The following LRP5 variants were observed in gnomAD, a reference collection of about 807,000 sequenced individuals.
The protein encoded by LRP5 is LDL receptor related protein 5, also known as low-density lipoprotein receptor-related protein 5.
LRP5 carries 62 observed loss-of-function variants against 154.1 expected under a neutral mutation model. The observed-to-expected ratio is 0.40, with a 90% confidence interval of 0.33 to 0.50. The LOEUF (loss-of-function observed/expected upper bound fraction) is 0.50. Among genes scored for constraint, LRP5 ranks in the 20% least tolerant of loss-of-function variants. The pLI, the probability that LRP5 is intolerant of heterozygous loss-of-function variation, is 0.55. For missense variants in LRP5, 1,915 were observed against 2,336.7 expected (o/e 0.82, Z 3.72); for synonymous variants, 966 against 1,011.5 (o/e 0.96, Z 0.85).
chr11:68,386,073 G>T lies in LRP5; in HGVS notation c.1016-243G>T, dbSNP rs1467802604. ...TCTCAGCTGCGTGCATAACCTCTCA[G>T]TGCTTCAGTTCTCTCATTTGTAAAA... On this transcript the variant is annotated intron_variant, in intron 5 of 22. Coordinates refer to ENST00000294304, the MANE Select transcript of LRP5 (RefSeq NM_002335.4). The surrounding 1 kb of genome is among the most constrained non-coding windows in gnomAD (Gnocchi z 7.9). Among the ~76,000 whole-genome samples, 1 of 152,190 alleles carries T rather than the reference G, an allele frequency of 6.6e-6. No individual in the cohort carries two copies. The highest frequency in any genetic ancestry group is 1.5e-5 in the Non-Finnish European group (1 of 68,024).
In LRP5 at chr11:68,382,706, C is replaced by T. The variant is rs571670053; in HGVS notation, c.1016-3610C>T. Among the ~76,000 whole-genome samples, 231 of 152,174 alleles carry T rather than the reference C, an allele frequency of 1.5e-3. 6 individuals carry two copies. In the South Asian group the frequency reaches 0.044, roughly 29 times the overall value. On this transcript the variant is annotated intron_variant, in intron 5 of 22. Transcript: ENST00000294304. ...AACGCACTTCCTGCATGTGCTGGCT[C>T]CTGGGATTGAAGTGTTTGAGGAAGC...
rs1371005835 is a variant in LRP5, at chr11:68,426,129, C to T, written c.3579C>T (p.Gly1193=). The change falls in exon 16 of 23, where the codon GGC becomes GGT. Residue 1193 remains glycine (G), a synonymous_variant. Coordinates refer to ENST00000294304, the MANE Select transcript of LRP5 (RefSeq NM_002335.4). ...GGGACAAGCGGACTCGCATCCAGGG[C>T]CGTGTCGCCCACCTCACTGGCATCC... ...TTGDKRTRIQ[G]RVAHLTGIHA... 2 of 1,612,974 alleles carry T rather than the reference C, an allele frequency of 1.2e-6. No individual in the cohort carries two copies. Among genetic ancestry groups the T allele is most frequent in the African/African-American group, 2.7e-5 (2 of 74,930 alleles).
intron 5 of LRP5, among the ~76,000 whole-genome samples, chr11:68,371,546 C>T (rs1045933458): frequency 1.3e-5 from 2 of 152,250 alleles, no homozygotes; most frequent in African/African-American, 4.8e-5. Flanking sequence ...GACCACAGTC[C>T]TGTCACCTGA....
chr11:68,433,736 G>T lies in LRP5; in HGVS notation c.3898G>T (p.Ala1300Ser). 1 of 1,612,730 alleles carries T rather than the reference G, an allele frequency of 6.2e-7. No homozygotes were observed. Among genetic ancestry groups the T allele is most frequent in the Middle Eastern group, 1.7e-4 (1 of 6,060 alleles). ...CGAGGAGGGCTGCCCCGTGTGCTCC[G>T]CCGCCCAGTTCCCCTGCGCGCGGGG... ...SDEEGCPVCS[A>S]AQFPCARGQC... The change falls in exon 18 of 23, where the codon GCC becomes TCC. Residue 1300 changes from alanine to serine, a missense_variant. Physicochemically the swap from Ala to Ser is moderately conservative, Grantham distance 99. Transcript: ENST00000294304.
chr11:68,304,885 T>C, the LRP5 span, among the ~76,000 whole-genome samples: 7 of 152,224 alleles, frequency 4.6e-5, no homozygotes, highest in African/African-American at 7.2e-5. Flanking sequence ...ATCTCAGCAG[T>C]AAATAACTGT....
At chr11:68,341,716 T>A (rs1003103584) in intron 1 of LRP5, among the ~76,000 whole-genome samples, 2 of 152,136 alleles carry the variant, frequency 1.3e-5, no homozygotes, top group South Asian at 4.1e-4. Context: ...CGGCTCCTTC[T>A]TTCCCAGCAA....
chr11:68,320,831 G>T (rs2098596338), intron 1 of LRP5, among the ~76,000 whole-genome samples: 1 of 152,016 alleles, frequency 6.6e-6, no homozygotes, highest in African/African-American at 2.4e-5. Flanking sequence ...TGTTCTGTTT[G>T]TTTCAGGTTT....
chr11:68,301,535 G>A, the LRP5 span, among the ~76,000 whole-genome samples: 1 of 149,168 alleles, frequency 6.7e-6, no homozygotes, highest in African/African-American at 2.4e-5. Flanking sequence ...TGCTTTCCAT[G>A]AGAGTTCAAA....
At chr11:68,395,379 G>A (rs773546659) in intron 7 of LRP5, among the ~76,000 whole-genome samples, 4 of 151,772 alleles carry the variant, frequency 2.6e-5, no homozygotes, top group Non-Finnish European at 5.9e-5. Context: ...AAGGGGGATC[G>A]TGGAGCAGGC....
At chr11:68,376,324 G>A (rs994775909) in intron 5 of LRP5, among the ~76,000 whole-genome samples, 7 of 152,046 alleles carry the variant, frequency 4.6e-5, no homozygotes, top group Admixed American at 1.3e-4. Flanking sequence ...TTGGACTATA[G>A]GCACCCGCCA....
chr11:68,412,737 C>T (rs2098660340), intron 11 of LRP5, among the ~76,000 whole-genome samples: 1 of 152,148 alleles, frequency 6.6e-6, no homozygotes, highest in East Asian at 1.9e-4. Flanking sequence ...AGAGGGTCAC[C>T]TGGGCAGCCC....
chr11:68,376,150 C>T (rs974879704), intron 5 of LRP5, among the ~76,000 whole-genome samples: 4 of 143,450 alleles, frequency 2.8e-5, no homozygotes, highest in African/African-American at 7.7e-5. Context: ...TGTGAGGGGT[C>T]GTCCGTGGCT....
chr11:68,446,513 G>A lies in LRP5; in HGVS notation c.4566G>A (p.Pro1522=), dbSNP rs368178411. Residue 1522 remains proline (P), a synonymous_variant, in exon 22 of 23, where the codon CCG becomes CCA. Coordinates refer to ENST00000294304, the MANE Select transcript of LRP5 (RefSeq NM_002335.4). ...ACATGTTCTACTCTTCAAACATTCC[G>A]GCCACTGCGAGACCGTACAGGTAGG... is the stretch of plus-strand genomic sequence containing the variant. The part of the protein sequence containing the change: ...NMDMFYSSNI[P]ATARPYRPYI... 28 of 1,613,890 alleles carry A rather than the reference G, an allele frequency of 1.7e-5. No homozygotes were observed. Among genetic ancestry groups the A allele is most frequent in the Admixed American group, 1.2e-4 (7 of 60,006 alleles).
intron 21 of LRP5, among the ~76,000 whole-genome samples, chr11:68,443,568 TATATATATATATA>T (rs1565122091): frequency 1.9e-4 from 8 of 42,020 alleles, no homozygotes; most frequent in African/African-American, 5.9e-4. Context: ...TATATATATA[TATATATATATATA>T]TATATTTTTT....
intron 1 of LRP5, among the ~76,000 whole-genome samples, chr11:68,329,114 G>A (rs1003937823): frequency 5.3e-5 from 8 of 152,206 alleles, no homozygotes; most frequent in Non-Finnish European, 7.4e-5. Context: ...GAGTCGTTTC[G>A]ATACTGGCCT....
At chr11:68,340,359 A>T (rs678765) in intron 1 of LRP5, among the ~76,000 whole-genome samples, 1 of 152,222 alleles carries the variant, frequency 6.6e-6, no homozygotes, top group Non-Finnish European at 1.5e-5. Flanking sequence ...AGGCCAGGCC[A>T]GGCTTTGAAT....
intron 1 of LRP5, among the ~76,000 whole-genome samples, chr11:68,318,838 T>G (rs916733013): frequency 2.0e-5 from 3 of 152,172 alleles, no homozygotes; most frequent in Non-Finnish European, 4.4e-5. Context: ...CTCAGAGCCC[T>G]CTCCCTGCCT....
chr11:68,345,126 G>A (rs2098611840), intron 1 of LRP5, among the ~76,000 whole-genome samples: 1 of 151,786 alleles, frequency 6.6e-6, no homozygotes, highest in South Asian at 2.1e-4. Context: ...GCCTCCCCAA[G>A]TGCTGGGATT....
At chr11:68,363,971 AGGGTGCGGGGGCTGGG>A in intron 4 of LRP5, 28 bp downstream of exon 4, 2 of 278,122 alleles carry the variant, frequency 7.2e-6, no homozygotes, top group Non-Finnish European at 1.1e-5. Context: ...CGCGGGGGCG[AGGGTGCGGGGGCTGGG>A]GGGAGCGGGG....
Sources: allele counts gnomAD v4.1 joint callset (sites outside exome capture counted in the v4.1 genomes callset), GRCh38; gene constraint gnomAD v4.1.1; non-coding constraint Gnocchi (gnomAD v3.1); transcripts MANE v1.5; gene names NCBI Gene and HGNC (gene_info 2026-07-23, HGNC 2026-07-21).